Variants in GSTA2 observed in about 807,000 individuals in gnomAD.
The protein encoded by GSTA2 is glutathione S-transferase alpha 2.
A neutral mutation model predicts 22.4 loss-of-function variants in GSTA2; 27 were observed. The observed-to-expected ratio is 1.21, with a 90% CI of 0.89 to 1.67. The LOEUF is 1.67. Among genes scored for constraint, GSTA2 ranks in the 40% most tolerant of loss-of-function variants. The pLI is 0.00. For synonymous variants in GSTA2, 121 were observed against 86.8 expected, an observed-to-expected ratio of 1.39 and a Z score of -2.19; for missense variants, 302 against 260.2, an observed-to-expected ratio of 1.16 and a Z score of -1.11.
intron 3 of GSTA2, among the ~76,000 whole-genome samples, chr6:52,755,806 G>C (rs772142119): frequency 1.3e-5 from 2 of 151,754 alleles, no homozygotes; most frequent in African/African-American, 4.9e-5. Context: ...GTCCCTTTCT[G>C]TGCTCTTCAA....
intron 1 of GSTA2, among the ~76,000 whole-genome samples, chr6:52,762,270 A>G (rs190336566): frequency 0.011 from 1,698 of 152,220 alleles, 33 homozygotes; most frequent in African/African-American, 0.038. Context: ...GCTGAGGAGG[A>G]TTAGTAAAAG....
chr6:52,755,998 C>A (rs557489084), intron 3 of GSTA2, among the ~76,000 whole-genome samples: 3 of 152,232 alleles, frequency 2.0e-5, no homozygotes, highest in Non-Finnish European at 4.4e-5. Flanking sequence ...GTACCCCAAG[C>A]ATGAAAACAA....
chr6:52,759,445 G>A (rs1286008129), intron 1 of GSTA2, among the ~76,000 whole-genome samples: 4 of 151,434 alleles, frequency 2.6e-5, no homozygotes, highest in Admixed American at 1.3e-4. Context: ...GAATAGTTGC[G>A]TTTTATCACC....
chr6:52,750,874 AG>A (rs1279901228), intron 6 of GSTA2, among the ~76,000 whole-genome samples, 175 bp from the exon 7 acceptor site: 3 of 152,384 alleles, frequency 2.0e-5, no homozygotes, highest in Non-Finnish European at 4.4e-5. Context: ...AAGAACATGT[AG>A]CTCACTTTAT....
chr6:52,751,126 C>A (rs1762727545), intron 6 of GSTA2, among the ~76,000 whole-genome samples: 1 of 151,888 alleles, frequency 6.6e-6, no homozygotes, highest in South Asian at 2.1e-4. Context: ...GTGAGAGATA[C>A]ATTGTCGGGG....
chr6:52,757,011 C>T lies in GSTA2; in HGVS notation c.88-702G>A, dbSNP rs1253792474. Among the ~76,000 whole-genome samples, 12 of 136,444 alleles carry T rather than the reference C, an allele frequency of 8.8e-5. No homozygotes were observed. In the South Asian group the frequency reaches 1.1e-3, roughly 12 times the overall value. The allele number at this position is 136,444 out of a possible 152,430, so 89.5% of individuals were successfully genotyped here. On this transcript the variant is annotated intron_variant, in intron 2 of 6. Transcript: ENST00000493422. ...AAGCCTCCTCCCCTCATTTTAACCA[C>T]GTGTTTATTTCTCTGCATCCTCATA...
At chr6:52,757,317 C>T (rs7753717) in intron 2 of GSTA2, among the ~76,000 whole-genome samples, 2,066 of 129,188 alleles carry the variant, frequency 0.016, 68 homozygotes, top group African/African-American at 0.057. Flanking sequence ...TAATGATTCT[C>T]CTTATACTTC....
Position 52,752,869 on chromosome 6 carries a change from G to A in GSTA2, c.399C>T (p.Phe133=). The A allele has an allele frequency of 1.9e-6, 3 of 1,613,950 alleles. No individual in the cohort carries two copies. Among genetic ancestry groups the A allele is most frequent in the East Asian group, 2.2e-5 (1 of 44,862 alleles). ...LIQEKTKNRY[F]PAFEKVLKSH... is the part of the protein sequence containing the mutation. ...CTTCACTTACTTTTTCAAAGGCAGGGAAGTAGCGATTTTTTGTTTTCTCTT... is the reference window on the plus strand; with the variant it reads ...CTTCACTTACTTTTTCAAAGGCAGGAAAGTAGCGATTTTTTGTTTTCTCTT... Residue 133 remains phenylalanine (F), a synonymous_variant, in exon 5 of 7, where the codon TTC becomes TTT. Coordinates refer to ENST00000493422, the MANE Select transcript of GSTA2 (RefSeq NM_000846.5).
chr6:52,753,263 G>A (rs895907280), intron 4 of GSTA2, among the ~76,000 whole-genome samples: 7 of 152,146 alleles, frequency 4.6e-5, no homozygotes, highest in Non-Finnish European at 7.3e-5. Context: ...ACCTAATACA[G>A]GAAGAAGATC....
intron 1 of GSTA2, among the ~76,000 whole-genome samples, chr6:52,762,231 C>T (rs992368625): frequency 1.3e-5 from 2 of 152,094 alleles, no homozygotes; most frequent in South Asian, 2.1e-4. Flanking sequence ...CCTGATAGTC[C>T]CCCAGCCCGA....
intron 4 of GSTA2, among the ~76,000 whole-genome samples, chr6:52,754,574 C>T (rs1210879841): frequency 1.3e-5 from 2 of 152,198 alleles, no homozygotes; most frequent in Non-Finnish European, 2.9e-5. Flanking sequence ...AGTCCTTCAT[C>T]TACAGACTCT....
At chr6:52,762,678 C>T (rs561907255) in intron 1 of GSTA2, among the ~76,000 whole-genome samples, 1 of 152,280 alleles carries the variant, frequency 6.6e-6, no homozygotes, top group African/African-American at 2.4e-5. Context: ...TGCTGAGCCC[C>T]GGTCCCCTGG....
In GSTA2 at chr6:52,751,697, G is replaced by A; in HGVS notation, c.426C>T (p.Ser142=). 6.2e-7 allele frequency: 1 copy of A among 1,614,136 alleles called. No homozygotes were observed. The highest frequency in any genetic ancestry group is 8.5e-7 in the Non-Finnish European group (1 of 1,179,982). The stretch of plus-strand genomic sequence containing the variant: ...TGCCAACAAGGTAGTCTTGTCCGTG[G>A]CTCTTTAAGACCTGGAGAATGGGAG... ...YFPAFEKVLK[S]HGQDYLVGNK... The change falls in exon 6 of 7, where the codon AGC becomes AGT. Residue 142 remains serine, a synonymous_variant. Coordinates refer to ENST00000493422, the MANE Select transcript of GSTA2 (RefSeq NM_000846.5).
chr6:52,755,083 A>G lies in GSTA2; in HGVS notation c.140-8T>C, dbSNP rs73740529. ...GGAACATCAAATATCCATCTTTAAG[A>G]GGAAGAAAAAAAAGGAGAGTGAAGT... On this transcript the variant is annotated splice_region_variant and splice_polypyrimidine_tract_variant and intron_variant, in intron 3 of 6. Coordinates refer to ENST00000493422, the MANE Select transcript of GSTA2 (RefSeq NM_000846.5). 3.5e-3 allele frequency: 5,707 copies of G among 1,614,004 alleles called. 169 individuals carry two copies. In the African/African-American group the frequency reaches 0.063, roughly 18 times the overall value.
chr6:52,756,624 G>A (rs551281470), intron 2 of GSTA2, among the ~76,000 whole-genome samples: 352 of 152,282 alleles, frequency 2.3e-3, no homozygotes, highest in African/African-American at 8.2e-3. Flanking sequence ...TCTAGTTATG[G>A]TGTTGTCATA....
At chr6:52,752,456 C>G (rs1287573077) in intron 5 of GSTA2, among the ~76,000 whole-genome samples, 2 of 152,214 alleles carry the variant, frequency 1.3e-5, no homozygotes, top group Admixed American at 6.5e-5. Context: ...GGTCTCCTGT[C>G]TTCCTGCATA....
At chr6:52,750,750 A>G in intron 6 of GSTA2, 51 bp from the exon 7 acceptor site, 1 of 1,600,246 alleles carries the variant, frequency 6.2e-7, no homozygotes, top group African/African-American at 1.3e-5. Flanking sequence ...AAGGGCTGAC[A>G]CCCCCATTAA....
intron 1 of GSTA2, among the ~76,000 whole-genome samples, chr6:52,759,564 T>A (rs13205032): frequency 7.6e-5 from 2 of 26,186 alleles, no homozygotes; most frequent in Non-Finnish European, 7.3e-5. Context: ...TATTTATTTG[T>A]TTTTTTTTTT....
intron 1 of GSTA2, among the ~76,000 whole-genome samples, chr6:52,760,468 C>G (rs1344673634): frequency 6.6e-6 from 1 of 152,116 alleles, no homozygotes; most frequent in African/African-American, 2.4e-5. Context: ...CATTCATAGT[C>G]AATATCTAGG....
Sources: gnomAD v4.1 joint callset for allele counts (sites outside exome capture counted in the v4.1 genomes callset) on GRCh38, gnomAD v4.1.1 for gene constraint, MANE v1.5 for transcripts, NCBI Gene and HGNC (gene_info 2026-07-23, HGNC 2026-07-21) for gene names.